PDK3: variants seen among roughly 807,000 people sequenced by gnomAD.
PDK3 encodes the protein pyruvate dehydrogenase kinase, isozyme 3.
In PDK3, 12 loss-of-function variants were observed where a neutral mutation model predicts 32.0. The observed-to-expected ratio is 0.37, with a 90% CI of 0.24 to 0.61. The LOEUF (loss-of-function observed/expected upper bound fraction) is 0.61, where lower values mean the gene tolerates loss of function less well. PDK3 is among the 20% of genes least tolerant of loss of function. PDK3 has a pLI of 0.65. For synonymous variants in PDK3, 122 were observed against 116.3 expected, an observed-to-expected ratio of 1.05 and a Z score of -0.31; for missense variants, 188 against 316.9, an observed-to-expected ratio of 0.59 and a Z score of 3.09.
At chrX:24,493,487 G>GA (rs1921623150) in intron 1 of PDK3, among the ~76,000 whole-genome samples, 1 of 111,511 alleles carries the variant, frequency 9.0e-6, no homozygotes, top group Non-Finnish European at 1.9e-5. Context: ...AGAATAAGGA[G>GA]AGTTTGGAAG....
chrX:24,532,111 CA>C (rs1209362768), intron 10 of PDK3, among the ~76,000 whole-genome samples: 1 of 110,141 alleles, frequency 9.1e-6, no homozygotes, highest in Non-Finnish European at 1.9e-5. Context: ...ACTAAAAGTA[CA>C]AAAAATTAGC....
intron 1 of PDK3, among the ~76,000 whole-genome samples, chrX:24,479,849 T>C (rs1189406213): frequency 9.0e-6 from 1 of 111,514 alleles, no homozygotes; most frequent in Admixed American, 9.5e-5. Context: ...TAGATTCGAC[T>C]AGCACTTACT....
chrX:24,542,229 T>G (rs979536540), exon 12 of PDK3, among the ~76,000 whole-genome samples: 9 of 112,362 alleles, frequency 8.0e-5, no homozygotes, highest in African/African-American at 2.9e-4. Context: ...CTTCCTTTTT[T>G]TGTCTCTGAA....
downstream of PDK3, among the ~76,000 whole-genome samples, chrX:24,535,608 ACT>A (rs1256154741): frequency 4.5e-5 from 5 of 111,261 alleles, no homozygotes; most frequent in Admixed American, 4.8e-4. Flanking sequence ...AGAGATTGCC[ACT>A]GCTATAGCTT....
At chrX:24,490,198 G>A (rs1921517231) in intron 1 of PDK3, among the ~76,000 whole-genome samples, 2 of 111,617 alleles carry the variant, frequency 1.8e-5, no homozygotes, top group South Asian at 3.7e-4. Flanking sequence ...GGCTGGTCTC[G>A]AACTCCTGGC....
At chrX:24,475,667 A>G (rs1921097839) in intron 1 of PDK3, among the ~76,000 whole-genome samples, 1 of 109,270 alleles carries the variant, frequency 9.2e-6, no homozygotes, top group Admixed American at 9.9e-5. Context: ...TCAAAAAAAG[A>G]AGGAGGGAGG....
chrX:24,508,401 G>C (rs756410899), intron 5 of PDK3, among the ~76,000 whole-genome samples: 8 of 111,772 alleles, frequency 7.2e-5, no homozygotes, highest in Non-Finnish European at 1.5e-4. Context: ...TATCAATGAA[G>C]TTTTAAAAAC....
At chrX:24,469,428 T>A (rs1441153847) in intron 1 of PDK3, among the ~76,000 whole-genome samples, 1 of 110,266 alleles carries the variant, frequency 9.1e-6, no homozygotes, top group African/African-American at 3.3e-5. Context: ...AAATGATATA[T>A]CTAGATAGAA....
chrX:24,500,181 G>GA (rs1165483896), intron 3 of PDK3, among the ~76,000 whole-genome samples: 18 of 101,926 alleles, frequency 1.8e-4, no homozygotes, highest in South Asian at 8.4e-4. Flanking sequence ...AGATATTCAG[G>GA]AAAAAAAAAA....
chrX:24,544,574 A>G (rs763654814), exon 12 of PDK3, among the ~76,000 whole-genome samples: 2 of 112,109 alleles, frequency 1.8e-5, no homozygotes, highest in Non-Finnish European at 3.8e-5. Context: ...AATGATCAGT[A>G]GAGTCTTGGG....
In PDK3 at chrX:24,494,749, T is replaced by G; in HGVS notation, c.114T>G (p.Asp38Glu). 3.4e-6 allele frequency: 4 copies of G among 1,191,394 alleles called. No individual in the cohort carries two copies. Among genetic ancestry groups the G allele is most frequent in the Admixed American group, 2.2e-5 (1 of 44,832 alleles). ...TTTTTCATGTCTTAATAGGGAGAGA[T>G]AATGCATGTGAGAAAACTTCATATA... ...SIKQFLDFGR[D>E]NACEKTSYMF... Residue 38 changes from aspartate to glutamate, a missense_variant, in exon 2 of 11, where the codon GAT (aspartate) becomes GAG (glutamate). Asp to Glu is a conservative substitution (Grantham distance 45). Coordinates refer to ENST00000379162, the MANE Select transcript of PDK3 (RefSeq NM_005391.5).
chrX:24,502,291 G>A (rs754893300), intron 3 of PDK3, among the ~76,000 whole-genome samples: 1 of 111,551 alleles, frequency 9.0e-6, no homozygotes, highest in South Asian at 3.7e-4. Flanking sequence ...GAAATTGTTA[G>A]CCCGCTGTTC....
At chrX:24,523,898 G>A (rs1011320784) in intron 6 of PDK3, among the ~76,000 whole-genome samples, 3 of 111,826 alleles carry the variant, frequency 2.7e-5, no homozygotes, top group African/African-American at 6.5e-5. Flanking sequence ...AGTGAATCCG[G>A]TTCTTCATTC....
At chrX:24,525,901 A>G (rs1471383823) in intron 6 of PDK3, among the ~76,000 whole-genome samples, 1 of 112,160 alleles carries the variant, frequency 8.9e-6, no homozygotes, top group Non-Finnish European at 1.9e-5. Context: ...CTTCTGTAAT[A>G]CTCAGGATGT....
intron 1 of PDK3, among the ~76,000 whole-genome samples, chrX:24,478,390 G>A (rs1422252444): frequency 8.9e-6 from 1 of 112,198 alleles, no homozygotes; most frequent in Non-Finnish European, 1.9e-5. Flanking sequence ...AACCTGGGAG[G>A]TGGAGGTTGC....
chrX:24,498,670 T>G (rs1421707617), intron 2 of PDK3, among the ~76,000 whole-genome samples, 159 bp from the exon 3 acceptor site: 1 of 111,511 alleles, frequency 9.0e-6, no homozygotes, highest in Non-Finnish European at 1.9e-5. Context: ...TTGGAGGCAC[T>G]GGCTTCCCTG....
chrX:24,506,752 G>A (rs1921986892), intron 5 of PDK3, among the ~76,000 whole-genome samples: 1 of 100,277 alleles, frequency 1.0e-5, no homozygotes, highest in Non-Finnish European at 2.0e-5. Context: ...TCACAGAGTT[G>A]TGCAACCATC....
rs1355390874 is a variant in PDK3, at chrX:24,489,601, T to C, written c.107-5141T>C. ...TCAGGAGGCTGAGGCAGGAGAATCG[T>C]TTGAACCCAGGAGGCGTAGGTTGCA... On this transcript the variant is annotated intron_variant, in intron 1 of 10. Coordinates refer to ENST00000379162, the MANE Select transcript of PDK3 (RefSeq NM_005391.5). Among the ~76,000 whole-genome samples the C allele has an allele frequency of 2.9e-5, 3 of 104,105 alleles. No homozygotes were observed. The Admixed American group carries it at 3.2e-4, about 11-fold the overall frequency. 90.4% of individuals were successfully genotyped at this position (104,105 alleles called of 115,157 possible). A position where few individuals can be genotyped will look rare whatever the true frequency, so the allele number is the denominator to read the frequency against.
At chrX:24,530,416 AAG>A (rs1922622714) in intron 9 of PDK3, among the ~76,000 whole-genome samples, 1 of 111,906 alleles carries the variant, frequency 8.9e-6, no homozygotes, top group African/African-American at 3.3e-5. Flanking sequence ...GCACTGTGCC[AAG>A]ATTTTATACT....
Sources: allele counts gnomAD v4.1 joint callset (sites outside exome capture counted in the v4.1 genomes callset), GRCh38; gene constraint gnomAD v4.1.1; transcripts MANE v1.5; gene names NCBI Gene and HGNC (gene_info 2026-07-23, HGNC 2026-07-21).